CCDC201: variants seen among roughly 807,000 people sequenced by gnomAD.
CCDC201 encodes coiled-coil domain-containing protein 201.
At chr7:45,879,070 C>T in the CCDC201 span, among the ~76,000 whole-genome samples, 1 of 152,228 alleles carries the variant, frequency 6.6e-6, no homozygotes, top group East Asian at 1.9e-4. Flanking sequence ...ATCCCTCGAG[C>T]AGGGGCAAAA....
Position 45,869,034 on chromosome 7 carries a change from T to G in CCDC201, c.19-2540A>C, listed in dbSNP as rs541364535. ...GCATAAATGGAATCATAATACACAT[T>G]GTTACATAGTTTTCCACATCCTTGA... is the stretch of plus-strand genomic sequence containing the variant. On this transcript the variant is annotated intron_variant, in intron 1 of 2. Coordinates refer to ENST00000636578, the Ensembl canonical transcript of CCDC201. Among the ~76,000 whole-genome samples the G allele has an allele frequency of 2.0e-5, 3 of 152,340 alleles. No homozygotes were observed. The South Asian group carries it at 6.2e-4, about 32-fold the overall frequency.
At chr7:45,876,935 TG>T (rs1786815472), upstream of CCDC201, among the ~76,000 whole-genome samples, 1 of 152,218 alleles carries the variant, frequency 6.6e-6, no homozygotes, top group Non-Finnish European at 1.5e-5. Context: ...AAGTCCAAGC[TG>T]CCAGTTTGGG....
chr7:45,861,322 G>A (rs1341648303), exon 3 of CCDC201: 1 of 151,944 alleles, frequency 6.6e-6, no homozygotes, highest in East Asian at 1.9e-4. Flanking sequence ...TTTTAAATCT[G>A]ATAATTTTGT....
upstream of CCDC201, among the ~76,000 whole-genome samples, chr7:45,876,224 C>A (rs570213389): frequency 6.6e-6 from 1 of 152,260 alleles, no homozygotes; most frequent in African/African-American, 2.4e-5. Context: ...TCCCAGAGGG[C>A]CCTCTTGAGC....
intron 2 of CCDC201, among the ~76,000 whole-genome samples, chr7:45,865,584 C>T (rs1178943437): frequency 6.6e-6 from 1 of 152,260 alleles, no homozygotes; most frequent in Non-Finnish European, 1.5e-5. Flanking sequence ...TATTCTGTAA[C>T]AAGATGACAT....
At chr7:45,874,148 C>G (rs893504076), upstream of CCDC201, among the ~76,000 whole-genome samples, 1 of 151,966 alleles carries the variant, frequency 6.6e-6, no homozygotes, top group African/African-American at 2.4e-5. Context: ...TCGAACTCTG[C>G]GTGATCTGCC....
intron 2 of CCDC201, among the ~76,000 whole-genome samples, chr7:45,863,480 C>T (rs190876870): frequency 6.6e-5 from 10 of 152,228 alleles, no homozygotes; most frequent in South Asian, 6.2e-4. Context: ...AGACAGGCTG[C>T]GAGCATGGAG....
At chr7:45,872,729 G>T (rs1009444023) in intron 1 of CCDC201, among the ~76,000 whole-genome samples, 1 of 152,174 alleles carries the variant, frequency 6.6e-6, no homozygotes, top group Non-Finnish European at 1.5e-5. Flanking sequence ...CTCTCCTGCA[G>T]GCCATGTCGT....
rs572209383 is a variant in CCDC201, at chr7:45,865,994, C to T, written c.477+42G>A. The stretch of plus-strand genomic sequence containing the variant: ...TAATCTTCCACAGGGACCCAGAACT[C>T]CTGGGGGAAAGGGATGGGGCAGGGA... On this transcript the variant is annotated intron_variant, in intron 2 of 2. Transcript: ENST00000636578. 3 of 153,666 alleles carry T rather than the reference C, an allele frequency of 2.0e-5. No homozygotes were observed. In the Admixed American group the frequency reaches 2.0e-4, roughly 10 times the overall value. 9.5% of individuals were successfully genotyped at this position (153,666 alleles called of 1,614,324 possible).
chr7:45,882,457 C>T, the CCDC201 span, among the ~76,000 whole-genome samples: 5 of 152,226 alleles, frequency 3.3e-5, no homozygotes, highest in Non-Finnish European at 5.9e-5. Context: ...GGCACAAAAA[C>T]AAACGGTCTT....
At chr7:45,883,281 A>AC in the CCDC201 span, among the ~76,000 whole-genome samples, 5 of 152,168 alleles carry the variant, frequency 3.3e-5, no homozygotes, top group African/African-American at 1.2e-4. Context: ...ACACACACAC[A>AC]CCCCAACACA....
At chr7:45,867,119 C>A (rs189189339) in intron 1 of CCDC201, among the ~76,000 whole-genome samples, 46 of 152,346 alleles carry the variant, frequency 3.0e-4, no homozygotes, top group Middle Eastern at 3.4e-3. Flanking sequence ...ACCCGGCAAG[C>A]ACATTTGTGT....
At chr7:45,868,481 G>A (rs1436202365) in intron 1 of CCDC201, among the ~76,000 whole-genome samples, 4 of 152,128 alleles carry the variant, frequency 2.6e-5, no homozygotes, top group Admixed American at 6.5e-5. Context: ...GTCACCGATG[G>A]CCATCTTAGG....
chr7:45,862,968 A>T (rs1786621620), exon 3 of CCDC201: 1 of 152,252 alleles, frequency 6.6e-6, no homozygotes, highest in Non-Finnish European at 1.5e-5. Flanking sequence ...TTCCCACCCC[A>T]TGGAGAAGGG....
chr7:45,876,499 C>A (rs1188031889), upstream of CCDC201, among the ~76,000 whole-genome samples: 1 of 152,124 alleles, frequency 6.6e-6, no homozygotes, highest in Non-Finnish European at 1.5e-5. Context: ...CCAGGCCACC[C>A]CCAGGGCTTT....
chr7:45,884,143 G>A, the CCDC201 span, among the ~76,000 whole-genome samples: 4 of 149,222 alleles, frequency 2.7e-5, no homozygotes, highest in South Asian at 4.3e-4. Context: ...CTCTGCCACC[G>A]AGGCTGGAGT....
At chr7:45,864,895 C>T (rs1786651859) in intron 2 of CCDC201, among the ~76,000 whole-genome samples, 1 of 152,016 alleles carries the variant, frequency 6.6e-6, no homozygotes, top group South Asian at 2.1e-4. Flanking sequence ...ACACAGAGCC[C>T]AAGGTTAGGA....
the CCDC201 span, among the ~76,000 whole-genome samples, chr7:45,884,420 T>C: frequency 6.6e-6 from 1 of 152,174 alleles, no homozygotes; most frequent in Non-Finnish European, 1.5e-5. Context: ...TCTAAGGATA[T>C]CCACTCTCTT....
upstream of CCDC201, chr7:45,873,095 C>A (rs975777805): frequency 1.3e-5 from 2 of 152,264 alleles, no homozygotes; most frequent in Non-Finnish European, 2.9e-5. Flanking sequence ...CTGCTGTGTC[C>A]CCACTTAGGC....
Sources: allele counts gnomAD v4.1 joint callset (sites outside exome capture counted in the v4.1 genomes callset), GRCh38; gene constraint gnomAD v4.1.1; transcripts MANE v1.5; gene names NCBI Gene and HGNC (gene_info 2026-07-23, HGNC 2026-07-21).